ERMARD: variants seen among roughly 807,000 people sequenced by gnomAD.
The protein encoded by ERMARD is ER membrane associated RNA degradation.
ERMARD carries 71 observed loss-of-function variants against 83.9 expected under a neutral mutation model. That is an observed-to-expected ratio of 0.85 (90% CI 0.70 to 1.03). The LOEUF is 1.03. Among genes scored for constraint, ERMARD ranks in the 50% least tolerant of loss-of-function variants. The probability of loss-of-function intolerance (pLI) is 0.00; values close to 1 mark genes in which losing one functional copy is unlikely to be tolerated. For missense variants in ERMARD, 838 were observed against 810.9 expected (o/e 1.03, Z -0.41); for synonymous variants, 284 against 298.6 (o/e 0.95, Z 0.50).
chr6:169,775,152 G>A, intron 13 of ERMARD, 118 bp from the exon 14 acceptor site: 1 of 1,107,018 alleles, frequency 9.0e-7, no homozygotes, highest in Non-Finnish European at 1.3e-6. Context: ...GTTTTAAAAT[G>A]TTTAGAATTT....
chr6:169,779,526 G>A (rs1793970767), intron 17 of ERMARD, among the ~76,000 whole-genome samples: 1 of 151,944 alleles, frequency 6.6e-6, no homozygotes, highest in Non-Finnish European at 1.5e-5. Flanking sequence ...ACAGAGTCTT[G>A]TTCTGTTGCC....
At chr6:169,767,552 C>G (rs1200163720) in intron 10 of ERMARD, 1 of 157,208 alleles carries the variant, frequency 6.4e-6, no homozygotes, top group Non-Finnish European at 1.4e-5. Flanking sequence ...CAGGCATACA[C>G]ACACTCTAAT....
intron 13 of ERMARD, among the ~76,000 whole-genome samples, chr6:169,774,131 C>T (rs1184894706): frequency 6.6e-6 from 1 of 152,108 alleles, no homozygotes; most frequent in African/African-American, 2.4e-5. Context: ...GTCAGGAGAT[C>T]GAGACCATCC....
At chr6:169,755,167 A>C in intron 2 of ERMARD, 116 bp from the exon 3 acceptor site, 2 of 1,190,344 alleles carry the variant, frequency 1.7e-6, no homozygotes, top group Non-Finnish European at 2.4e-6. Context: ...TGGTAAGCTA[A>C]TTGTTGATTT....
intron 5 of ERMARD, 76 bp from the exon 6 acceptor site, chr6:169,758,892 A>G: frequency 7.4e-7 from 1 of 1,350,666 alleles, no homozygotes; most frequent in South Asian, 1.3e-5. Flanking sequence ...AAAGAGGAAC[A>G]CAAATGTTAT....
intron 8 of ERMARD, among the ~76,000 whole-genome samples, chr6:169,761,479 C>T (rs746724494): frequency 1.6e-4 from 24 of 152,156 alleles, no homozygotes; most frequent in Non-Finnish European, 2.9e-5. Context: ...CTCAGCCTCC[C>T]GAAGTGCTGG....
In ERMARD at chr6:169,759,047, C is replaced by G; in HGVS notation, c.587C>G (p.Pro196Arg). ...RNVLWHGFASPEEIPPKYCSM... is the reference protein window; with the variant it reads ...RNVLWHGFASREEIPPKYCSM... Reference sequence around the variant, plus strand: ...GTCTTATGGCATGGGTTTGCGTCACCTGAAGAAATTCCTCCAAAGTAAGTT... The same window carrying G: ...GTCTTATGGCATGGGTTTGCGTCACGTGAAGAAATTCCTCCAAAGTAAGTT... Residue 196 changes from proline to arginine, a missense_variant, in exon 6 of 18, where the codon CCT becomes CGT. Pro to Arg is a moderately radical substitution (Grantham distance 103, BLOSUM62 -2). Coordinates refer to ENST00000366773, the MANE Select transcript of ERMARD (RefSeq NM_018341.3). 1.9e-6 allele frequency: 3 copies of G among 1,613,930 alleles called. No individual in the cohort carries two copies. The highest frequency in any genetic ancestry group is 2.5e-6 in the Non-Finnish European group (3 of 1,179,942).
intron 6 of ERMARD, 141 bp from the exon 7 acceptor site, chr6:169,759,697 C>A: frequency 1.2e-6 from 1 of 800,750 alleles, no homozygotes; most frequent in Non-Finnish European, 2.0e-6. Flanking sequence ...TCTGGGATTA[C>A]AGGCATGAGC....
At chr6:169,756,880 A>G (rs1790883087) in intron 5 of ERMARD, 72 bp downstream of exon 5, 3 of 1,370,000 alleles carry the variant, frequency 2.2e-6, no homozygotes, top group Non-Finnish European at 2.1e-6. Context: ...CATACCCAAG[A>G]CTAGGAAGAG....
chr6:169,766,936 G>A (rs1279460411), intron 10 of ERMARD: 1 of 353,782 alleles, frequency 2.8e-6, no homozygotes, highest in Non-Finnish European at 5.1e-6. Context: ...TTATTTAGAG[G>A]CTTGCATTTT....
chr6:169,758,296 T>C (rs1315400487), intron 5 of ERMARD, among the ~76,000 whole-genome samples: 4 of 152,260 alleles, frequency 2.6e-5, no homozygotes, highest in African/African-American at 9.6e-5. Flanking sequence ...TCTTCCATTA[T>C]GTTCTGAGTT....
At chr6:169,751,737 T>C in intron 1 of ERMARD, 74 bp downstream of exon 1, 1 of 1,469,062 alleles carries the variant, frequency 6.8e-7, no homozygotes, top group Non-Finnish European at 9.0e-7. Flanking sequence ...GGTGCTCGGC[T>C]ACGCGGAGTG....
intron 13 of ERMARD, 132 bp from the exon 14 acceptor site, chr6:169,775,138 T>A (rs1229936269): frequency 9.6e-6 from 9 of 941,960 alleles, no homozygotes; most frequent in Non-Finnish European, 1.4e-5. Flanking sequence ...ACACCCACCA[T>A]CTGGTTTTAA....
At chr6:169,751,579 C>T (rs1332705957), upstream of ERMARD, 2 of 1,605,130 alleles carry the variant, frequency 1.2e-6, no homozygotes, top group Non-Finnish European at 1.7e-6. Context: ...AAGTGCCCGC[C>T]AGGGCTCCAA....
chr6:169,761,695 T>TTTTGTTTTGA lies in ERMARD; in HGVS notation c.858-731_858-730insGTTTTGATTT, dbSNP rs542477895. 2.5e-4 allele frequency among the ~76,000 whole-genome samples: 38 copies of TTTTGTTTTGA among 152,286 alleles called. No homozygotes were observed. The South Asian group carries it at 7.9e-3, about 32-fold the overall frequency. ...AGTGGTTTTGTTTTGTTTTGTTTTGTTTTTTGAGACAGAGTCTCACTGTGT... is the reference window on the plus strand; with the variant it reads ...AGTGGTTTTGTTTTGTTTTGTTTTGTTTTGTTTTGATTTTTGAGACAGAGTCTCACTGTGT... On this transcript the variant is annotated intron_variant, in intron 8 of 17. Coordinates refer to ENST00000366773, the MANE Select transcript of ERMARD (RefSeq NM_018341.3).
At chr6:169,753,293 TTTG>T (rs374148670) in intron 1 of ERMARD, 39 of 154,454 alleles carry the variant, frequency 2.5e-4, no homozygotes, top group Middle Eastern at 5.2e-4. Context: ...TCAGCTCAAA[TTTG>T]TTGTTGTTTT....
At chr6:169,773,074 C>T in intron 12 of ERMARD, 1 of 411,706 alleles carries the variant, frequency 2.4e-6, no homozygotes, top group Non-Finnish European at 4.3e-6. Context: ...CAGTTTTGTG[C>T]ACAGAGGGTG....
chr6:169,753,726 G>A (rs1388719772), intron 1 of ERMARD, 138 bp from the exon 2 acceptor site: 3 of 534,040 alleles, frequency 5.6e-6, no homozygotes, highest in Non-Finnish European at 9.4e-6. Flanking sequence ...TAATCATACA[G>A]CTCTCACGAT....
intron 5 of ERMARD, among the ~76,000 whole-genome samples, 173 bp from the exon 6 acceptor site, chr6:169,758,795 A>T (rs1791147356): frequency 6.6e-6 from 1 of 152,218 alleles, no homozygotes. Flanking sequence ...CATGTACAAA[A>T]TGTGTCTAGC....
Sources: allele counts gnomAD v4.1 joint callset (sites outside exome capture counted in the v4.1 genomes callset), GRCh38; gene constraint gnomAD v4.1.1; transcripts MANE v1.5; gene names NCBI Gene and HGNC (gene_info 2026-07-23, HGNC 2026-07-21).